RNF11: variants seen among roughly 807,000 people sequenced by gnomAD.
RNF11 encodes the protein ring finger protein 11.
A neutral mutation model predicts 15.8 loss-of-function variants in RNF11; 4 were observed. That is an observed-to-expected ratio of 0.25 (90% CI 0.12 to 0.58). The LOEUF is 0.58. RNF11 is among the 20% of genes least tolerant of loss of function. The probability of loss-of-function intolerance (pLI) is 0.91; values close to 1 mark genes in which losing one functional copy is unlikely to be tolerated. For synonymous variants in RNF11, 68 were observed against 72.3 expected (o/e 0.94, Z 0.30); for missense variants, 139 against 194.4 (o/e 0.71, Z 1.70).
At chr1:51,265,355 G>A (rs1195449017) in intron 1 of RNF11, 2 of 149,194 alleles carry the variant, frequency 1.3e-5, no homozygotes. Flanking sequence ...TGTATCTTCT[G>A]TCCTGCTTCA....
In RNF11 at chr1:51,271,500, G is replaced by A; in HGVS notation, c.*178G>A. On this transcript the variant is annotated 3_prime_UTR_variant, in exon 3 of 3. Coordinates refer to ENST00000242719, the MANE Select transcript of RNF11 (RefSeq NM_014372.5). Reference sequence around the variant, plus strand: ...TACGTGATATTTTAGAAACTTAGTGGGAAAAGTAGGATGGTATTTTTATGT... The same window carrying A: ...TACGTGATATTTTAGAAACTTAGTGAGAAAAGTAGGATGGTATTTTTATGT... The A allele has an allele frequency of 3.8e-6, 2 of 532,368 alleles. No individual in the cohort carries two copies. Among genetic ancestry groups the A allele is most frequent in the South Asian group, 2.9e-5 (1 of 34,338 alleles). The allele number at this position is 532,368 out of a possible 1,614,324, so 33.0% of individuals were successfully genotyped here.
At chr1:51,241,777 A>T (rs1164543688) in intron 1 of RNF11, among the ~76,000 whole-genome samples, 6 of 152,174 alleles carry the variant, frequency 3.9e-5, no homozygotes, top group Non-Finnish European at 8.8e-5. Flanking sequence ...AAGGACAGTG[A>T]GTGGGAGGAT....
intron 1 of RNF11, among the ~76,000 whole-genome samples, chr1:51,237,420 G>GTGTGTATATATATATATA (rs1223765005): frequency 3.6e-5 from 5 of 139,358 alleles, no homozygotes; most frequent in East Asian, 4.0e-4. Context: ...ACTTGTGTGT[G>GTGTGTATATATATATATA]TGTGTATATA....
intron 2 of RNF11, among the ~76,000 whole-genome samples, chr1:51,270,934 T>G (rs1229183958): frequency 1.3e-5 from 2 of 152,220 alleles, no homozygotes; most frequent in African/African-American, 4.8e-5. Flanking sequence ...TGTTGATTGC[T>G]CCTAAGTCCT....
intron 1 of RNF11, among the ~76,000 whole-genome samples, chr1:51,262,732 T>G (rs888810553): frequency 6.7e-6 from 1 of 148,580 alleles, no homozygotes; most frequent in East Asian, 1.9e-4. Flanking sequence ...TTTTTTTTTT[T>G]TTTTTTTGTA....
At chr1:51,263,865 A>T (rs1363239131) in intron 1 of RNF11, among the ~76,000 whole-genome samples, 1 of 152,132 alleles carries the variant, frequency 6.6e-6, no homozygotes, top group Non-Finnish European at 1.5e-5. Context: ...GTGTATTTTA[A>T]ATAGGGAAAT....
Position 51,236,786 on chromosome 1 carries a change from G to T in RNF11, c.30G>T (p.Ser10=). The part of the protein sequence containing the change: MGNCLKSPT[S]DDISLLHESQ... ...GGAACTGCCTCAAATCCCCCACCTC[G>T]GATGACATCTCCCTGCTTCACGAGT... Residue 10 remains serine (S), a synonymous_variant, in exon 1 of 3, where the codon TCG becomes TCT. Coordinates refer to ENST00000242719, the MANE Select transcript of RNF11 (RefSeq NM_014372.5). 1.9e-6 allele frequency: 3 copies of T among 1,613,340 alleles called. No individual in the cohort carries two copies. Among genetic ancestry groups the T allele is most frequent in the Non-Finnish European group, 1.7e-6 (2 of 1,179,692 alleles).
chr1:51,271,399 C>T lies in RNF11; in HGVS notation c.*77C>T, dbSNP rs1557683856. ...TCTTTTGTCACTGAGCCCAAAGAGCCAGGGATTAGGAATTAAGATCGTGCA... is the reference window on the plus strand; with the variant it reads ...TCTTTTGTCACTGAGCCCAAAGAGCTAGGGATTAGGAATTAAGATCGTGCA... On this transcript the variant is annotated 3_prime_UTR_variant, in exon 3 of 3. Transcript: ENST00000242719. 2.4e-6 allele frequency: 3 copies of T among 1,237,516 alleles called. No homozygotes were observed. The East Asian group carries it at 7.2e-5, about 30-fold the overall frequency. The allele number at this position is 1,237,516 out of a possible 1,614,324, so 76.7% of individuals were successfully genotyped here.
intron 1 of RNF11, among the ~76,000 whole-genome samples, chr1:51,268,393 A>G (rs191410312): frequency 6.6e-6 from 1 of 152,342 alleles, no homozygotes; most frequent in African/African-American, 2.4e-5. Flanking sequence ...TTTAACAAAA[A>G]AATACCAAAG....
chr1:51,249,427 C>G lies in RNF11; in HGVS notation c.123+12548C>G, dbSNP rs184810142. Among the ~76,000 whole-genome samples the G allele has an allele frequency of 8.1e-4, 124 of 152,224 alleles. No homozygotes were observed. The East Asian group carries it at 0.017, about 21-fold the overall frequency. On this transcript the variant is annotated intron_variant, in intron 1 of 2. Transcript: ENST00000242719. ...TTAATTACGTAGGCTAGTGCACTTG[C>G]AAAATATAGCCACAACTATAATATA...
At chr1:51,250,685 G>A (rs1405242025) in intron 1 of RNF11, 29 of 948,264 alleles carry the variant, frequency 3.1e-5, no homozygotes, top group Non-Finnish European at 3.5e-5. Context: ...ATTCCTGATC[G>A]GGAGACTTGG....
intron 1 of RNF11, among the ~76,000 whole-genome samples, chr1:51,239,552 A>G (rs570890070): frequency 9.2e-5 from 14 of 152,250 alleles, no homozygotes; most frequent in South Asian, 2.1e-4. Context: ...AGAAACAGCA[A>G]TCCAAGGTTA....
At chr1:51,259,174 G>C (rs1270105285) in intron 1 of RNF11, among the ~76,000 whole-genome samples, 1 of 152,204 alleles carries the variant, frequency 6.6e-6, no homozygotes, top group African/African-American at 2.4e-5. Context: ...TGGCAGGGAA[G>C]AGGGTGCCAC....
chr1:51,254,306 A>C (rs540756967), intron 1 of RNF11, among the ~76,000 whole-genome samples: 2 of 151,972 alleles, frequency 1.3e-5, no homozygotes, highest in African/African-American at 4.8e-5. Flanking sequence ...TCTGTTTTTG[A>C]GATGGAGTCT....
intron 1 of RNF11, among the ~76,000 whole-genome samples, chr1:51,237,442 G>GTATATATATA (rs66523963): frequency 7.1e-6 from 1 of 140,520 alleles, no homozygotes; most frequent in African/African-American, 2.6e-5. Flanking sequence ...ATATATATGT[G>GTATATATATA]TATATATATA....
At chr1:51,245,880 A>G (rs1051676962) in intron 1 of RNF11, among the ~76,000 whole-genome samples, 3 of 152,202 alleles carry the variant, frequency 2.0e-5, no homozygotes, top group Admixed American at 6.5e-5. Flanking sequence ...AAGAAATACA[A>G]CACATCTCTA....
At chr1:51,248,472 G>C (rs1287958459) in intron 1 of RNF11, among the ~76,000 whole-genome samples, 2 of 152,022 alleles carry the variant, frequency 1.3e-5, no homozygotes, top group Non-Finnish European at 2.9e-5. Context: ...AAAGTGCTGG[G>C]ATTACTGGCG....
At chr1:51,246,702 T>C (rs1422993379) in intron 1 of RNF11, among the ~76,000 whole-genome samples, 1 of 152,044 alleles carries the variant, frequency 6.6e-6, no homozygotes, top group Admixed American at 6.5e-5. Flanking sequence ...TACAAGAAAA[T>C]ATTTAGGCTG....
chr1:51,252,260 G>A (rs1646883226), intron 1 of RNF11, among the ~76,000 whole-genome samples: 1 of 152,022 alleles, frequency 6.6e-6, no homozygotes. Flanking sequence ...TTATCCATAA[G>A]GTTTCTTTGG....
Sources: allele counts gnomAD v4.1 joint callset (sites outside exome capture counted in the v4.1 genomes callset), GRCh38; gene constraint gnomAD v4.1.1; transcripts MANE v1.5; gene names NCBI Gene and HGNC (gene_info 2026-07-23, HGNC 2026-07-21).